The following GALK2 variants were observed in gnomAD, a reference collection of about 807,000 sequenced individuals.
GALK2 encodes N-acetylgalactosamine kinase.
In GALK2, 36 loss-of-function variants were observed where a neutral mutation model predicts 52.4. The ratio of observed to expected loss-of-function variants is 0.69; its 90% CI spans 0.53 to 0.91. The LOEUF (loss-of-function observed/expected upper bound fraction) is 0.91, where lower values mean the gene tolerates loss of function less well. GALK2 is among the 40% of genes least tolerant of loss of function. The pLI, the probability that GALK2 is intolerant of heterozygous loss-of-function variation, is 0.00. For missense variants in GALK2, 579 were observed against 559.1 expected (o/e 1.04, Z -0.36); for synonymous variants, 176 against 199.1 (o/e 0.88, Z 0.98).
rs765067678 is a variant in GALK2, at chr15:49,312,274, C to T, written c.968-7330C>T. On this transcript the variant is annotated intron_variant, in intron 8 of 9. Transcript: ENST00000560031. ...ATCTTATTGTGATGTGAGTGGGCAC[C>T]ATCCAACTGGCTGCCAGTATGGGTA... Among the ~76,000 whole-genome samples the T allele has an allele frequency of 5.3e-5, 8 of 152,334 alleles. No homozygotes were observed. In the South Asian group the frequency reaches 8.3e-4, roughly 16 times the overall value.
At chr15:49,278,069 T>G (rs975699218) in intron 5 of GALK2, among the ~76,000 whole-genome samples, 1 of 151,826 alleles carries the variant, frequency 6.6e-6, no homozygotes, top group Non-Finnish European at 1.5e-5. Flanking sequence ...AAGACCATCC[T>G]GGCTAACACG....
Position 49,252,994 on chromosome 15 carries a change from C to T in GALK2, c.504+13627C>T, listed in dbSNP as rs1002342073. ...GTATATCAACTCAGCTCATTTTCTC[C>T]TGGAGTATTTATCAATCATCTTATT... On this transcript the variant is annotated intron_variant, in intron 5 of 9. Transcript: ENST00000560031. Among the ~76,000 whole-genome samples the T allele has an allele frequency of 6.2e-5, 9 of 144,364 alleles. 2 individuals are homozygous for T. The highest frequency in any genetic ancestry group is 1.4e-4 in the Non-Finnish European group (9 of 64,258). 94.7% of individuals were successfully genotyped at this position (144,364 alleles called of 152,430 possible). A position where few individuals can be genotyped will look rare whatever the true frequency, so the allele number is the denominator to read the frequency against.
At chr15:49,237,462 G>GT (rs762532092) in intron 4 of GALK2, among the ~76,000 whole-genome samples, 11 of 151,440 alleles carry the variant, frequency 7.3e-5, no homozygotes, top group Admixed American at 1.3e-4. Flanking sequence ...TTTTGTTTTT[G>GT]TTTTTTTGTT....
chr15:49,349,395 G>C (rs191185187), intron 3 of GALK2, among the ~76,000 whole-genome samples: 7 of 152,164 alleles, frequency 4.6e-5, no homozygotes, highest in African/African-American at 1.7e-4. Flanking sequence ...TCAAAGTTTA[G>C]AACAGCTTCA....
At chr15:49,199,457 A>G (rs1476115397) in intron 1 of GALK2, among the ~76,000 whole-genome samples, 1 of 152,166 alleles carries the variant, frequency 6.6e-6, no homozygotes, top group Non-Finnish European at 1.5e-5. Context: ...GTGATATGCT[A>G]GCGATATCAG....
chr15:49,252,107 A>G (rs1434393594), intron 5 of GALK2, among the ~76,000 whole-genome samples: 1 of 152,170 alleles, frequency 6.6e-6, no homozygotes, highest in African/African-American at 2.4e-5. Context: ...CTCTCCTAAA[A>G]ATACAAAAAA....
chr15:49,367,639 G>C (rs754755632), exon 4 of GALK2: 1 of 1,524,380 alleles, frequency 6.6e-7, no homozygotes, highest in Admixed American at 2.6e-5. Context: ...TCAAGACAAC[G>C]ATTACTTTTG....
At chr15:49,253,266 C>T (rs2091684463) in intron 5 of GALK2, among the ~76,000 whole-genome samples, 1 of 144,088 alleles carries the variant, frequency 6.9e-6, no homozygotes, top group Non-Finnish European at 1.6e-5. Flanking sequence ...CAGGGAGCCT[C>T]ATAGACTCAG....
At chr15:49,205,520 T>C (rs1043209761) in intron 2 of GALK2, among the ~76,000 whole-genome samples, 2 of 152,222 alleles carry the variant, frequency 1.3e-5, no homozygotes, top group Non-Finnish European at 2.9e-5. Context: ...TGGCCATTTC[T>C]ATATCTTCCT....
At chr15:49,178,200 T>TATATATATATATATAC (rs1384753097) in intron 1 of GALK2, among the ~76,000 whole-genome samples, 1 of 106,016 alleles carries the variant, frequency 9.4e-6, no homozygotes, top group Non-Finnish European at 1.9e-5. Context: ...AAATACTATA[T>TATATATATATATATAC]ATATATATAT....
At chr15:49,164,428 G>A (rs1268641670) in intron 1 of GALK2, among the ~76,000 whole-genome samples, 1 of 152,002 alleles carries the variant, frequency 6.6e-6, no homozygotes, top group East Asian at 1.9e-4. Flanking sequence ...ATGACAAGGT[G>A]AGGAAAGAAT....
chr15:49,226,073 CAG>C (rs1192803988), intron 3 of GALK2, among the ~76,000 whole-genome samples: 1 of 152,188 alleles, frequency 6.6e-6, no homozygotes, highest in Non-Finnish European at 1.5e-5. Context: ...TAGAGTTACT[CAG>C]AGGAAGAAGG....
downstream of GALK2, among the ~76,000 whole-genome samples, chr15:49,332,060 C>T (rs1479852885): frequency 6.6e-6 from 1 of 150,690 alleles, no homozygotes; most frequent in East Asian, 2.0e-4. Context: ...GGTTCAGACA[C>T]CCACCCCCGC....
chr15:49,175,932 C>T (rs950687837), intron 1 of GALK2, among the ~76,000 whole-genome samples: 1 of 152,156 alleles, frequency 6.6e-6, no homozygotes, highest in Admixed American at 6.5e-5. Flanking sequence ...TCATGTGGAC[C>T]CCCTTAGAGT....
intron 5 of GALK2, among the ~76,000 whole-genome samples, chr15:49,241,151 G>A (rs1450642747): frequency 6.6e-6 from 1 of 152,068 alleles, no homozygotes; most frequent in East Asian, 1.9e-4. Context: ...TTGAGTGTGA[G>A]GAATCTGTGG....
chr15:49,282,942 A>G (rs942002990), intron 6 of GALK2, among the ~76,000 whole-genome samples: 2 of 152,316 alleles, frequency 1.3e-5, no homozygotes, highest in African/African-American at 4.8e-5. Context: ...TAAGTTAGCT[A>G]TAGAGTCTGA....
intron 3 of GALK2, among the ~76,000 whole-genome samples, chr15:49,360,570 A>T (rs562498932): frequency 0.016 from 858 of 53,222 alleles, 6 homozygotes; most frequent in African/African-American, 0.058. Context: ...TTATAAAAAC[A>T]TAGACAAAGT....
At chr15:49,205,090 C>G (rs1683408390) in intron 2 of GALK2, among the ~76,000 whole-genome samples, 1 of 152,098 alleles carries the variant, frequency 6.6e-6, no homozygotes, top group Non-Finnish European at 1.5e-5. Context: ...TCTTTATCTA[C>G]TTGTTGATTG....
intron 1 of GALK2, among the ~76,000 whole-genome samples, chr15:49,163,428 TG>T (rs1359408375): frequency 2.0e-5 from 3 of 152,222 alleles, no homozygotes; most frequent in Non-Finnish European, 4.4e-5. Context: ...TTTTCACTTA[TG>T]TTTTTTTCTG....
Sources: gnomAD v4.1 joint callset for allele counts (sites outside exome capture counted in the v4.1 genomes callset) on GRCh38, gnomAD v4.1.1 for gene constraint, MANE v1.5 for transcripts, NCBI Gene and HGNC (gene_info 2026-07-23, HGNC 2026-07-21) for gene names.